The following TVP23A variants were observed in gnomAD, a reference collection of about 807,000 sequenced individuals.
TVP23A encodes Golgi apparatus membrane protein TVP23 homolog A.
A neutral mutation model predicts 31.7 loss-of-function variants in TVP23A; 21 were observed. The ratio of observed to expected loss-of-function variants is 0.66; its 90% CI spans 0.47 to 0.95. The LOEUF (loss-of-function observed/expected upper bound fraction) is 0.95, where lower values mean the gene tolerates loss of function less well. TVP23A is among the 40% of genes least tolerant of loss of function. TVP23A has a pLI of 0.00. For missense variants in TVP23A, 279 were observed against 255.6 expected, an observed-to-expected ratio of 1.09 and a Z score of -0.62; for synonymous variants, 104 against 96.0, an observed-to-expected ratio of 1.08 and a Z score of -0.49.
At chr16:10,796,639 C>A (rs1485762870) in intron 2 of TVP23A, among the ~76,000 whole-genome samples, 1 of 151,990 alleles carries the variant, frequency 6.6e-6, no homozygotes, top group African/African-American at 2.4e-5. Context: ...AGGGTTTCAC[C>A]GTGTTGGCCA....
At chr16:10,771,502 T>C (rs8055601) in intron 6 of TVP23A, among the ~76,000 whole-genome samples, 168 bp downstream of exon 6, 38,699 of 152,124 alleles carry the variant, frequency 0.25, 5,125 homozygotes, top group South Asian at 0.37. Context: ...ACCATTGCAC[T>C]CTAGCCTGGG....
chr16:10,768,913 C>T lies in TVP23A; in HGVS notation c.*189G>A. ...TCACTTTCAAAGACTCAGGGCATCACAGACACAGGTCTTTTTATGGAACTA... is the reference window on the plus strand; with the variant it reads ...TCACTTTCAAAGACTCAGGGCATCATAGACACAGGTCTTTTTATGGAACTA... On this transcript the variant is annotated 3_prime_UTR_variant, in exon 8 of 8. Transcript: ENST00000299866. This position sits in a 1 kb window ranked among gnomAD's most constrained non-coding sequence, Gnocchi z 4.3. The T allele has an allele frequency of 1.4e-6, 1 of 739,142 alleles. No individual in the cohort carries two copies. The highest frequency in any genetic ancestry group is 2.3e-6 in the Non-Finnish European group (1 of 428,932). The allele number at this position is 739,142 out of a possible 1,614,324, so 45.8% of individuals were successfully genotyped here.
chr16:10,776,776 T>C (rs771647608), intron 2 of TVP23A, among the ~76,000 whole-genome samples: 2 of 152,226 alleles, frequency 1.3e-5, no homozygotes, highest in Non-Finnish European at 2.9e-5. Context: ...TATTTCTTGA[T>C]GATATGCTAA....
At chr16:10,757,975 G>C, downstream of TVP23A, 2 of 1,614,028 alleles carry the variant, frequency 1.2e-6, no homozygotes, top group African/African-American at 1.3e-5. The surrounding 1 kb of genome is among the most constrained non-coding windows in gnomAD (Gnocchi z 4.1). Context: ...TCGGTCGTCC[G>C]GTACCTGGCC....
chr16:10,772,824 G>C (rs2142883658), intron 5 of TVP23A, among the ~76,000 whole-genome samples: 1 of 152,306 alleles, frequency 6.6e-6, no homozygotes, highest in African/African-American at 2.4e-5. Flanking sequence ...TAACATTGAT[G>C]GTGGTTTTGG....
At chr16:10,817,565 T>C (rs1419346638) in intron 2 of TVP23A, among the ~76,000 whole-genome samples, 2 of 152,224 alleles carry the variant, frequency 1.3e-5, no homozygotes, top group South Asian at 2.1e-4. Context: ...CTAGCTAGAC[T>C]CAGCAGGGAT....
intron 3 of TVP23A, 87 bp downstream of exon 3, chr16:10,774,865 T>C: frequency 1.6e-6 from 2 of 1,222,452 alleles, no homozygotes; most frequent in Non-Finnish European, 2.3e-6. Flanking sequence ...GTCTCAGGAG[T>C]CTAAACCAAA....
chr16:10,758,121 G>T (rs1364869649), downstream of TVP23A: 8 of 1,422,392 alleles, frequency 5.6e-6, no homozygotes, highest in African/African-American at 4.2e-5. Context: ...TCTCACCAAG[G>T]CTCTTCCCAG....
At chr16:10,804,435 G>A (rs759947930) in intron 2 of TVP23A, among the ~76,000 whole-genome samples, 13 of 152,168 alleles carry the variant, frequency 8.5e-5, no homozygotes, top group Admixed American at 1.3e-4. Context: ...CCATTCTTCT[G>A]GCTCTAACAG....
chr16:10,769,250 G>C lies in TVP23A; in HGVS notation c.*1-149C>G, dbSNP rs1019106946. On this transcript the variant is annotated intron_variant, in intron 7 of 7. Coordinates refer to ENST00000299866, the MANE Select transcript of TVP23A (RefSeq NM_001079512.4). Reference sequence around the variant, plus strand: ...TGTGGTCCGAAGCCACTTTCTCAGAGACACTTTAATCATTGAGTATTTGTA... The same window carrying C: ...TGTGGTCCGAAGCCACTTTCTCAGACACACTTTAATCATTGAGTATTTGTA... The C allele has an allele frequency of 3.7e-5, 24 of 642,628 alleles. 1 individual carries two copies. Among genetic ancestry groups the C allele is most frequent in the Non-Finnish European group, 6.1e-5 (22 of 360,612 alleles). 39.8% of individuals were successfully genotyped at this position (642,628 alleles called of 1,614,324 possible). A position where few individuals can be genotyped will look rare whatever the true frequency, so the allele number is the denominator to read the frequency against.
Position 10,772,763 on chromosome 16 carries a change from G to A in TVP23A, c.453+550C>T, listed in dbSNP as rs538911423. ...CAGGGCTTGGAGGAACAGAAGCACA[G>A]GGAAGCAATGTCAAAAGGGCGCAAG... On this transcript the variant is annotated intron_variant, in intron 5 of 7. Coordinates refer to ENST00000299866, the MANE Select transcript of TVP23A (RefSeq NM_001079512.4). Among the ~76,000 whole-genome samples the A allele has an allele frequency of 2.0e-5, 3 of 150,354 alleles. No homozygotes were observed. In the South Asian group the frequency reaches 6.4e-4, roughly 32 times the overall value.
At chr16:10,795,462 G>C (rs1216833195) in intron 2 of TVP23A, among the ~76,000 whole-genome samples, 1 of 152,108 alleles carries the variant, frequency 6.6e-6, no homozygotes, top group Admixed American at 6.6e-5. Context: ...TGTTGGCCAG[G>C]CTAGTCTCGA....
chr16:10,811,095 A>T (rs1170348520), intron 2 of TVP23A, among the ~76,000 whole-genome samples: 1 of 152,110 alleles, frequency 6.6e-6, no homozygotes, highest in Non-Finnish European at 1.5e-5. Flanking sequence ...GGCTTGGGGA[A>T]AGGGAAGATG....
chr16:10,806,592 C>A lies in TVP23A; in HGVS notation c.89+11511G>T, dbSNP rs111680718. 2.2e-3 allele frequency among the ~76,000 whole-genome samples: 338 copies of A among 152,292 alleles called. 2 individuals carry two copies. The highest frequency in any genetic ancestry group is 7.3e-3 in the African/African-American group (305 of 41,554). On this transcript the variant is annotated intron_variant, in intron 2 of 7. Transcript: ENST00000299866. Reference sequence around the variant, plus strand: ...TCTCAGCTCACTGCAACCTTTACCTCCCGGGTACAAGCAATTCTCTTCCCT... The same window carrying A: ...TCTCAGCTCACTGCAACCTTTACCTACCGGGTACAAGCAATTCTCTTCCCT...
rs539613685 is a variant in TVP23A at position 10,779,016 on chromosome 16, C to T, written c.90-3920G>A. Among the ~76,000 whole-genome samples the T allele has an allele frequency of 1.3e-5, 2 of 152,276 alleles. No homozygotes were observed. The highest frequency in any genetic ancestry group is 3.9e-4 in the East Asian group (2 of 5,188). ...AGTGTGAGCCAAGTGTGCGCTGACC[C>T]ATGGTAAAATGTGGAAGTAAATGCA... is the stretch of plus-strand genomic sequence containing the variant. On this transcript the variant is annotated intron_variant, in intron 2 of 7. Transcript: ENST00000299866. The surrounding 1 kb of genome is among the most constrained non-coding windows in gnomAD (Gnocchi z 4.9).
intron 4 of TVP23A, among the ~76,000 whole-genome samples, chr16:10,773,752 G>A (rs1248536728): frequency 3.9e-5 from 6 of 151,980 alleles, no homozygotes; most frequent in Non-Finnish European, 8.8e-5. Context: ...TGTATTTTTA[G>A]TAGAGACAGG....
chr16:10,775,340 C>T, intron 2 of TVP23A: 1 of 1,319,962 alleles, frequency 7.6e-7, no homozygotes, highest in Non-Finnish European at 9.7e-7. Flanking sequence ...ACTTTCCCGC[C>T]ACTTGACTCC....
chr16:10,778,644 G>A (rs1275248442), intron 2 of TVP23A, among the ~76,000 whole-genome samples: 1 of 149,690 alleles, frequency 6.7e-6, no homozygotes. Context: ...TGTCCTCTTT[G>A]TAGAACAATA....
chr16:10,810,620 C>T (rs2034153292), intron 2 of TVP23A, among the ~76,000 whole-genome samples: 1 of 151,820 alleles, frequency 6.6e-6, no homozygotes, highest in African/African-American at 2.4e-5. Flanking sequence ...GGGCATTATC[C>T]AAACCTTTGA....
Sources: gnomAD v4.1 joint callset for allele counts (sites outside exome capture counted in the v4.1 genomes callset) on GRCh38, gnomAD v4.1.1 for gene constraint, Gnocchi (gnomAD v3.1) non-coding constraint, MANE v1.5 for transcripts, NCBI Gene and HGNC (gene_info 2026-07-23, HGNC 2026-07-21) for gene names.